The following NUP50 variants were observed in gnomAD, a reference collection of about 807,000 sequenced individuals.
NUP50 encodes the protein nucleoporin 50, also known as nuclear pore complex protein Nup50.
Under a neutral mutation model 36.8 loss-of-function variants are expected in NUP50, and 14 were observed. The observed-to-expected ratio is 0.38, with a 90% CI of 0.25 to 0.59. The LOEUF (loss-of-function observed/expected upper bound fraction) is 0.59. NUP50 is among the 20% of genes least tolerant of loss of function. The pLI is 0.63. For synonymous variants in NUP50, 195 were observed against 210.8 expected, an observed-to-expected ratio of 0.93 and a Z score of 0.65; for missense variants, 455 against 564.6, an observed-to-expected ratio of 0.81 and a Z score of 1.97.
intron 6 of NUP50, among the ~76,000 whole-genome samples, chr22:45,182,595 A>G (rs939471663): frequency 1.3e-5 from 2 of 151,298 alleles, no homozygotes; most frequent in Non-Finnish European, 2.9e-5. Context: ...ATGTTGTGCA[A>G]TCAAAAACTG....
At position 45,175,939 on chromosome 22, in the gene NUP50, C is replaced by T; in HGVS notation, c.199C>T (p.Pro67Ser). The T allele has an allele frequency of 6.2e-7, 1 of 1,614,034 alleles. No individual in the cohort carries two copies. Among genetic ancestry groups the T allele is most frequent in the Non-Finnish European group, 8.5e-7 (1 of 1,179,994 alleles). ...AFKGFKGLVV[P>S]SGGGRFSGFG... ...TAAAGGTTTTAAAGGTTTGGTGGTA[C>T]CTTCTGGAGGAGGACGCTTTTCTGG... The change falls in exon 4 of 8, where the codon CCT (proline) becomes TCT (serine). Residue 67 changes from proline to serine, a missense_variant. By Grantham distance (74) the Pro-to-Ser change is moderately conservative. Transcript: ENST00000347635.
Position 45,183,134 on chromosome 22 carries a change from AAC to A in NUP50, c.1086-264_1086-263del, listed in dbSNP as rs1229315951. ...GAGCCCTGATTTTGACTGACTTGAG[AAC>A]ACAGTTTCAGAAAGTGTTATAAAAA... is the stretch of plus-strand genomic sequence containing the variant. On this transcript the variant is annotated intron_variant, in intron 6 of 7. Transcript: ENST00000347635. Among the ~76,000 whole-genome samples, 35 of 150,310 alleles carry A rather than the reference AAC, an allele frequency of 2.3e-4. No individual in the cohort carries two copies. The East Asian group carries it at 2.7e-3, about 12-fold the overall frequency.
chr22:45,181,414 TG>T (rs1188778802), intron 6 of NUP50, 47 bp downstream of exon 6: 2 of 1,273,830 alleles, frequency 1.6e-6, no homozygotes, highest in Non-Finnish European at 2.2e-6. Flanking sequence ...GCAGGCATGG[TG>T]GCATGCTTCA....
rs1225695831 is a variant in NUP50 at position 45,185,835 on chromosome 22, A to T, written c.*1180A>T. 1.4e-5 allele frequency: 2 copies of T among 143,256 alleles called. No homozygotes were observed. Among genetic ancestry groups the T allele is most frequent in the Non-Finnish European group, 3.0e-5 (2 of 66,376 alleles). 8.9% of individuals were successfully genotyped at this position (143,256 alleles called of 1,614,324 possible). A position where few individuals can be genotyped will look rare whatever the true frequency, so the allele number is the denominator to read the frequency against. ...TTTGAAGACTCTGGGCACATGAATG[A>T]TACACAGAATTGAATGTTTAAATTT... On this transcript the variant is annotated 3_prime_UTR_variant, in exon 8 of 8. Coordinates refer to ENST00000347635, the MANE Select transcript of NUP50 (RefSeq NM_007172.4).
intron 3 of NUP50, among the ~76,000 whole-genome samples, chr22:45,172,841 A>C (rs1381587401): frequency 6.6e-6 from 1 of 152,348 alleles, no homozygotes; most frequent in East Asian, 1.9e-4. Flanking sequence ...TGTTAATGGG[A>C]AAACAATTCA....
At chr22:45,177,199 G>A (rs898006386) in intron 4 of NUP50, among the ~76,000 whole-genome samples, 3 of 151,984 alleles carry the variant, frequency 2.0e-5, no homozygotes. Context: ...GTACTGCATT[G>A]AGACAGGGTC....
Position 45,184,582 on chromosome 22 carries a change from T to C in NUP50, c.1334T>C (p.Met445Thr), listed in dbSNP as rs1412216175. 8.1e-6 allele frequency: 13 copies of C among 1,612,754 alleles called. No individual in the cohort carries two copies. Among genetic ancestry groups the C allele is most frequent in the Non-Finnish European group, 1.0e-5 (12 of 1,178,862 alleles). Residue 445 changes from methionine to threonine, a missense_variant, in exon 8 of 8, where the codon ATG (methionine) becomes ACG (threonine). By Grantham distance (81) the Met-to-Thr change is moderately conservative. This residue lies in a region of NUP50 where 287 missense variants were observed against 345.5 expected (regional missense o/e 0.83). Transcript: ENST00000347635. ...DEKNATMPVT[M>T]LIRVKTSEDA... The stretch of plus-strand genomic sequence containing the variant: ...AAGAATGCCACCATGCCAGTCACCA[T>C]GTTGATTCGGGTAAAAACCAGCGAG...
At chr22:45,181,228 G>C (rs2147701051) in intron 5 of NUP50, 58 bp from the exon 6 acceptor site, 1 of 1,205,458 alleles carries the variant, frequency 8.3e-7, no homozygotes, top group East Asian at 3.5e-5. Context: ...CAAAACTTCA[G>C]TCACTTCTTT....
In NUP50 at chr22:45,167,699, A is replaced by G. The variant is rs2147664831; in HGVS notation, c.-10-469A>G. Among the ~76,000 whole-genome samples, 4 of 152,318 alleles carry G rather than the reference A, an allele frequency of 2.6e-5. No homozygotes were observed. The South Asian group carries it at 8.3e-4, about 32-fold the overall frequency. ...GTTGTGGAGGCGTTTCCAGCCCGTT[A>G]TTCGTATTCTTACTGAAAGATACAC... is the stretch of plus-strand genomic sequence containing the variant. On this transcript the variant is annotated intron_variant, in intron 1 of 7. Coordinates refer to ENST00000347635, the MANE Select transcript of NUP50 (RefSeq NM_007172.4).
chr22:45,184,548 A>G lies in NUP50; in HGVS notation c.1300A>G (p.Ile434Val), dbSNP rs374869419. 19 of 1,613,034 alleles carry G rather than the reference A, an allele frequency of 1.2e-5. No homozygotes were observed. The highest frequency in any genetic ancestry group is 1.1e-4 in the African/African-American group (8 of 74,914). ...VLIVCVPNPPIDEKNATMPVT... is the reference protein window; with the variant it reads ...VLIVCVPNPPVDEKNATMPVT... The stretch of plus-strand genomic sequence containing the variant: ...TATCGTCTGTGTTCCAAATCCACCA[A>G]TTGACGAGAAGAATGCCACCATGCC... Residue 434 changes from isoleucine (I) to valine (V), a missense_variant, in exon 8 of 8, where the codon ATT becomes GTT. Transcript: ENST00000347635.
At chr22:45,175,739 C>T (rs2074266203) in intron 3 of NUP50, 155 bp from the exon 4 acceptor site, 2 of 592,426 alleles carry the variant, frequency 3.4e-6, no homozygotes, top group Non-Finnish European at 5.8e-6. Flanking sequence ...CTTCCCATCT[C>T]ATTTCTTATT....
intron 4 of NUP50, among the ~76,000 whole-genome samples, chr22:45,177,217 G>C (rs1298953399): frequency 1.3e-5 from 2 of 152,112 alleles, no homozygotes; most frequent in Non-Finnish European, 1.5e-5. Flanking sequence ...GTCTCGCTCT[G>C]TCACCTAGGC....
intron 4 of NUP50, chr22:45,177,953 C>T: frequency 2.9e-6 from 1 of 343,528 alleles, no homozygotes. Context: ...ATGACGAAAC[C>T]CCATCTCTAC....
At chr22:45,179,043 C>T in intron 5 of NUP50, 143 bp downstream of exon 5, 2 of 728,500 alleles carry the variant, frequency 2.7e-6, no homozygotes, top group Non-Finnish European at 4.3e-6. Flanking sequence ...CAGAGCTAAT[C>T]AGCTTCTCTG....
intron 1 of NUP50, among the ~76,000 whole-genome samples, chr22:45,167,646 C>T (rs937523336): frequency 6.6e-6 from 1 of 152,230 alleles, no homozygotes; most frequent in African/African-American, 2.4e-5. Flanking sequence ...GTATCTCTGT[C>T]GGCTGTAGCT....
chr22:45,170,915 T>A, intron 2 of NUP50: 1 of 1,193,650 alleles, frequency 8.4e-7, no homozygotes, highest in Non-Finnish European at 1.1e-6. Context: ...AGGAGCCCGT[T>A]AAGTTTAATA....
At chr22:45,179,019 T>C (rs953042549) in intron 5 of NUP50, 119 bp downstream of exon 5, 10 of 948,204 alleles carry the variant, frequency 1.1e-5, no homozygotes, top group African/African-American at 8.3e-5. Flanking sequence ...GTTCTCTCCA[T>C]GTGTGATCTC....
In NUP50 at chr22:45,175,854, A is replaced by C. The variant is rs146155494; in HGVS notation, c.154-40A>C. ...ACTCACTTGCTTTTTGGTAATAGAAAGTACACTTACCTAATGTGTGCTCCT... is the reference window on the plus strand; with the variant it reads ...ACTCACTTGCTTTTTGGTAATAGAACGTACACTTACCTAATGTGTGCTCCT... On this transcript the variant is annotated intron_variant, in intron 3 of 7. Transcript: ENST00000347635. 1.3e-4 allele frequency: 207 copies of C among 1,603,642 alleles called. No homozygotes were observed. The African/African-American group carries it at 2.5e-3, about 20-fold the overall frequency.
chr22:45,165,128 A>C (rs1036509821), intron 1 of NUP50, among the ~76,000 whole-genome samples: 1 of 152,108 alleles, frequency 6.6e-6, no homozygotes, highest in African/African-American at 2.4e-5. Context: ...AGGCACAAAT[A>C]ATGTTTTTTT....
Sources: allele counts gnomAD v4.1 joint callset (sites outside exome capture counted in the v4.1 genomes callset), GRCh38; gene constraint gnomAD v4.1.1; regional missense constraint gnomAD v4.1.1; transcripts MANE v1.5; gene names NCBI Gene and HGNC (gene_info 2026-07-23, HGNC 2026-07-21).